The following ANO2 variants were observed in gnomAD, a reference collection of about 807,000 sequenced individuals.
ANO2 encodes the protein anoctamin-2.
A neutral mutation model predicts 124.2 loss-of-function variants in ANO2; 101 were observed. The ratio of observed to expected loss-of-function variants is 0.81; its 90% CI spans 0.69 to 0.96. The LOEUF (loss-of-function observed/expected upper bound fraction) is 0.96, where lower values mean the gene tolerates loss of function less well. Ranked by LOEUF, ANO2 falls within the 40% of genes least tolerant of loss-of-function variation. The pLI is 0.00. For synonymous variants in ANO2, 486 were observed against 482.5 expected (o/e 1.01, Z -0.09); for missense variants, 1,293 against 1,274.5 (o/e 1.01, Z -0.22).
At position 5,922,601 on chromosome 12, in the gene ANO2, A is replaced by ACC; in HGVS notation, c.207+17_207+18dup. Reference sequence around the variant, plus strand: ...CAGGGCTGGCCTATCCCCCCACCCCACCCCCGCCCAGTACTCACAGAGCTG... The same window carrying ACC: ...CAGGGCTGGCCTATCCCCCCACCCCACCCCCCCGCCCAGTACTCACAGAGCTG... On this transcript the variant is annotated intron_variant, in intron 2 of 24. Transcript: ENST00000682330. The ACC allele has an allele frequency of 1.2e-5, 10 of 861,432 alleles. No individual in the cohort carries two copies. The highest frequency in any genetic ancestry group is 1.7e-5 in the Non-Finnish European group (10 of 596,334). The allele number at this position is 861,432 out of a possible 1,614,324, so 53.4% of individuals were successfully genotyped here.
intron 4 of ANO2, among the ~76,000 whole-genome samples, chr12:5,846,881 A>G (rs1954700757): frequency 6.6e-6 from 1 of 152,228 alleles, no homozygotes; most frequent in African/African-American, 2.4e-5. Context: ...AAATAAGATT[A>G]TATTTACAGG....
At chr12:5,804,294 T>G (rs1193341529) in intron 9 of ANO2, among the ~76,000 whole-genome samples, 1 of 152,230 alleles carries the variant, frequency 6.6e-6, no homozygotes, top group East Asian at 1.9e-4. Flanking sequence ...GAATCTCTCT[T>G]GCTTAACAGA....
rs1952569192 is a variant in ANO2 at position 5,787,406 on chromosome 12, A to G, written c.1055+12101T>C. ...ACAAGCATCTCCGCTACAGAGCTGAAGCTCCAGCATCCCAGTGCCTTCCCC... is the reference window on the plus strand; with the variant it reads ...ACAAGCATCTCCGCTACAGAGCTGAGGCTCCAGCATCCCAGTGCCTTCCCC... On this transcript the variant is annotated intron_variant, in intron 10 of 24. Coordinates refer to ENST00000682330, the MANE Select transcript of ANO2 (RefSeq NM_001364791.2). This position sits in a 1 kb window ranked among gnomAD's most constrained non-coding sequence, Gnocchi z 4.2. Among the ~76,000 whole-genome samples the G allele has an allele frequency of 6.6e-6, 1 of 152,162 alleles. No individual in the cohort carries two copies. Among genetic ancestry groups the G allele is most frequent in the Non-Finnish European group, 1.5e-5 (1 of 68,028 alleles).
chr12:5,731,177 C>T (rs1200414478), intron 14 of ANO2, among the ~76,000 whole-genome samples: 2 of 152,208 alleles, frequency 1.3e-5, no homozygotes, highest in Non-Finnish European at 2.9e-5. Flanking sequence ...GTTTGCACGG[C>T]GTTGCCGAAG....
chr12:5,639,223 C>T (rs1223261272), intron 15 of ANO2, among the ~76,000 whole-genome samples: 2 of 152,216 alleles, frequency 1.3e-5, no homozygotes, highest in Non-Finnish European at 2.9e-5. Flanking sequence ...CCCAGCATGG[C>T]ACACGATAGT....
At chr12:5,800,172 A>T (rs1952996322) in intron 9 of ANO2, among the ~76,000 whole-genome samples, 1 of 152,332 alleles carries the variant, frequency 6.6e-6, no homozygotes, top group South Asian at 2.1e-4. Flanking sequence ...CAGGCAGGAC[A>T]GTCTTCTTGT....
At chr12:5,879,269 T>A (rs1255763532) in intron 3 of ANO2, among the ~76,000 whole-genome samples, 1 of 151,992 alleles carries the variant, frequency 6.6e-6, no homozygotes, top group African/African-American at 2.4e-5. Context: ...AAGAAGGGAC[T>A]GTACTCAAGC....
At chr12:5,913,740 G>GA (rs1181531553) in intron 3 of ANO2, among the ~76,000 whole-genome samples, 1 of 152,212 alleles carries the variant, frequency 6.6e-6, no homozygotes, top group Non-Finnish European at 1.5e-5. Flanking sequence ...TATTCATGAA[G>GA]ACTAAATGAG....
At chr12:5,937,379 G>A (rs12308481) in intron 1 of ANO2, among the ~76,000 whole-genome samples, 1,732 of 152,186 alleles carry the variant, frequency 0.011, 39 homozygotes, top group African/African-American at 0.04. Context: ...TGTCTATCCA[G>A]GTCATTTGCC....
At chr12:5,699,850 T>C (rs1268097863) in intron 14 of ANO2, among the ~76,000 whole-genome samples, 1 of 152,190 alleles carries the variant, frequency 6.6e-6, no homozygotes, top group Non-Finnish European at 1.5e-5. Context: ...AGAAGGCCAT[T>C]ACCTAATGGT....
chr12:5,600,827 C>G (rs1943904968), intron 19 of ANO2, among the ~76,000 whole-genome samples: 1 of 152,170 alleles, frequency 6.6e-6, no homozygotes, highest in Non-Finnish European at 1.5e-5. Flanking sequence ...ATGTAGGAAC[C>G]TCCCCATGTC....
At chr12:5,630,674 G>A in intron 16 of ANO2, among the ~76,000 whole-genome samples, 1 of 152,174 alleles carries the variant, frequency 6.6e-6, no homozygotes, top group East Asian at 1.9e-4. Flanking sequence ...TGAAGAGAGA[G>A]ACGTATTTCA....
chr12:5,595,756 C>T (rs919955521), intron 20 of ANO2, among the ~76,000 whole-genome samples: 8 of 152,156 alleles, frequency 5.3e-5, no homozygotes, highest in African/African-American at 1.7e-4. Flanking sequence ...GGGGCTTGAC[C>T]TGGGAAGACT....
intron 19 of ANO2, among the ~76,000 whole-genome samples, chr12:5,608,374 G>A (rs1280542345): frequency 1.3e-5 from 2 of 151,094 alleles, no homozygotes; most frequent in Non-Finnish European, 3.0e-5. Flanking sequence ...CCTAGGATTT[G>A]GCAAAAGAAT....
chr12:5,665,866 C>T (rs1477919868), intron 14 of ANO2, among the ~76,000 whole-genome samples: 2 of 152,080 alleles, frequency 1.3e-5, no homozygotes, highest in Non-Finnish European at 2.9e-5. Context: ...ACAGAGCCAC[C>T]CCCCTGTGCC....
intron 19 of ANO2, 38 bp from the exon 20 acceptor site, chr12:5,599,667 G>A (rs762094244): frequency 1.7e-5 from 27 of 1,608,566 alleles, no homozygotes; most frequent in Non-Finnish European, 2.2e-5. Context: ...AAAGCCTCTG[G>A]AGAACAGGGT....
chr12:5,651,145 CGTT>C (rs1946897154), intron 14 of ANO2, among the ~76,000 whole-genome samples: 1 of 152,328 alleles, frequency 6.6e-6, no homozygotes, highest in South Asian at 2.1e-4. Context: ...CTAATGCAAT[CGTT>C]GTTAAGACAG....
intron 20 of ANO2, among the ~76,000 whole-genome samples, chr12:5,588,784 T>C (rs925492861): frequency 9.2e-5 from 14 of 152,218 alleles, no homozygotes; most frequent in African/African-American, 3.1e-4. Context: ...ATTGCACAAT[T>C]GGTTTTGACC....
intron 23 of ANO2, among the ~76,000 whole-genome samples, chr12:5,574,663 G>T (rs766574663): frequency 1.3e-5 from 2 of 152,048 alleles, no homozygotes; most frequent in Admixed American, 6.6e-5. Context: ...CGCCACCCTG[G>T]TTTATGCCCA....
Sources: gnomAD v4.1 joint callset for allele counts (sites outside exome capture counted in the v4.1 genomes callset) on GRCh38, gnomAD v4.1.1 for gene constraint, Gnocchi (gnomAD v3.1) non-coding constraint, MANE v1.5 for transcripts, NCBI Gene and HGNC (gene_info 2026-07-23, HGNC 2026-07-21) for gene names.